Variants in HTT observed in about 807,000 individuals in gnomAD.
The protein encoded by HTT is huntington disease protein.
HTT carries 104 observed loss-of-function variants against 362.3 expected under a neutral mutation model. The observed-to-expected ratio is 0.29, with a 90% CI of 0.24 to 0.34. The LOEUF (loss-of-function observed/expected upper bound fraction) is 0.34, where lower values mean the gene tolerates loss of function less well. HTT is among the 10% of genes least tolerant of loss of function. The pLI is 1.00. For synonymous variants in HTT, 1,577 were observed against 1,548.7 expected (o/e 1.02, Z -0.43); for missense variants, 3,301 against 3,928.6 (o/e 0.84, Z 4.27).
chr4:3,096,882 G>A lies in HTT; in HGVS notation c.348-2392G>A, dbSNP rs113294244. Among the ~76,000 whole-genome samples the A allele has an allele frequency of 5.3e-4, 81 of 152,310 alleles. 2 individuals are homozygous for A. Among genetic ancestry groups the A allele is most frequent in the Middle Eastern group, 3.4e-3 (1 of 294 alleles). The stretch of plus-strand genomic sequence containing the variant: ...GCCTGCAGTTCTGCCACTTTGGGAG[G>A]CCGAGGCAGGTGGATTGTTTGAGAC... On this transcript the variant is annotated intron_variant, in intron 2 of 66. Coordinates refer to ENST00000355072, the MANE Select transcript of HTT (RefSeq NM_001388492.1).
intron 4 of HTT, among the ~76,000 whole-genome samples, chr4:3,104,808 G>T (rs994260120): frequency 6.6e-6 from 1 of 152,108 alleles, no homozygotes; most frequent in African/African-American, 2.4e-5. Flanking sequence ...GGAGATTGAG[G>T]TGGGAGGATT....
intron 41 of HTT, among the ~76,000 whole-genome samples, chr4:3,201,313 G>A (rs1239253827): frequency 6.6e-6 from 1 of 152,186 alleles, no homozygotes; most frequent in African/African-American, 2.4e-5. Flanking sequence ...CAGATCACCT[G>A]AGGCCAGGAC....
chr4:3,237,315 C>G (rs554612764), intron 64 of HTT, among the ~76,000 whole-genome samples: 3 of 152,310 alleles, frequency 2.0e-5, no homozygotes, highest in African/African-American at 4.8e-5. Flanking sequence ...CTCAAGTGAT[C>G]CACCCTCCTT....
In HTT at chr4:3,157,247, G is replaced by A. The variant is rs374351331; in HGVS notation, c.3753+48G>A. 534 of 1,518,984 alleles carry A rather than the reference G, an allele frequency of 3.5e-4. 1 individual carries two copies. The highest frequency in any genetic ancestry group is 7.9e-4 in the Admixed American group (43 of 54,618). 94.1% of individuals were successfully genotyped at this position (1,518,984 alleles called of 1,614,324 possible). A position where few individuals can be genotyped will look rare whatever the true frequency, so the allele number is the denominator to read the frequency against. ...AAAATATATATGCACACATACTTAC[G>A]TCTAATGGATAGTTGATGTTTTTCT... is the stretch of plus-strand genomic sequence containing the variant. On this transcript the variant is annotated intron_variant, in intron 28 of 66. Coordinates refer to ENST00000355072, the MANE Select transcript of HTT (RefSeq NM_001388492.1).
At chr4:3,159,397 G>C (rs1717327594) in intron 28 of HTT, among the ~76,000 whole-genome samples, 1 of 152,098 alleles carries the variant, frequency 6.6e-6, no homozygotes. Context: ...TCAGATTGCT[G>C]TGCATATTGG....
At chr4:3,094,455 C>T (rs766684009) in intron 2 of HTT, among the ~76,000 whole-genome samples, 22 of 151,618 alleles carry the variant, frequency 1.5e-4, no homozygotes, top group Admixed American at 4.6e-4. Flanking sequence ...GGGTGGCGGC[C>T]GGGCAGAGGG....
At chr4:3,078,713 C>T (rs938543336) in intron 1 of HTT, among the ~76,000 whole-genome samples, 1 of 151,824 alleles carries the variant, frequency 6.6e-6, no homozygotes, top group Non-Finnish European at 1.5e-5. Context: ...GGATTATAGA[C>T]ATGCACTGCC....
At chr4:3,083,086 C>T (rs185042484) in intron 1 of HTT, among the ~76,000 whole-genome samples, 38 of 152,172 alleles carry the variant, frequency 2.5e-4, no homozygotes, top group African/African-American at 8.9e-4. Context: ...GTTTGAGAAC[C>T]AGTAAGGAGG....
At chr4:3,238,109 A>G (rs1721625912) in intron 64 of HTT, among the ~76,000 whole-genome samples, 2 of 149,728 alleles carry the variant, frequency 1.3e-5, no homozygotes, top group South Asian at 4.2e-4. Flanking sequence ...TCTGGTCCCT[A>G]CAGGGCGTGG....
chr4:3,111,174 C>T (rs568072413), intron 6 of HTT, among the ~76,000 whole-genome samples: 4 of 151,566 alleles, frequency 2.6e-5, no homozygotes, highest in African/African-American at 4.8e-5. Flanking sequence ...TGCACCACCA[C>T]GTCCAGCTAT....
chr4:3,217,713 G>A, intron 51 of HTT, 52 bp from the exon 52 acceptor site: 1 of 1,461,102 alleles, frequency 6.8e-7, no homozygotes, highest in East Asian at 2.3e-5. Context: ...TCTACACTGG[G>A]CATATAGGAT....
rs1718901191 is a variant in HTT, at chr4:3,189,078, C to T, written c.5353C>T (p.His1785Tyr). 6.2e-7 allele frequency: 1 copy of T among 1,614,086 alleles called. No individual in the cohort carries two copies. Residue 1785 changes from histidine (H) to tyrosine (Y), a missense_variant, in exon 40 of 67, where the codon CAC (histidine) becomes TAC (tyrosine). His to Tyr is a moderately conservative substitution (Grantham distance 83, BLOSUM62 2). Around this residue, in one of 4 missense-constraint regions of HTT, gnomAD observed 2,316 missense variants for 2,658.5 expected, o/e 0.87. Transcript: ENST00000355072. ...ELGTLLMCLI[H>Y]IFKSGMFRRI... Reference sequence around the variant, plus strand: ...AGGCACACTGCTAATGTGTCTGATCCACATCTTCAAGTCTGGTAGGTGAAT... The same window carrying T: ...AGGCACACTGCTAATGTGTCTGATCTACATCTTCAAGTCTGGTAGGTGAAT...
intron 26 of HTT, among the ~76,000 whole-genome samples, chr4:3,152,191 C>A (rs969785227): frequency 2.6e-5 from 4 of 151,962 alleles, no homozygotes; most frequent in Non-Finnish European, 4.4e-5. Flanking sequence ...TTCTGCCTCC[C>A]AGGTTCAAGT....
chr4:3,174,689 T>C, intron 31 of HTT, 32 bp from the exon 32 acceptor site: 1 of 1,538,752 alleles, frequency 6.5e-7, no homozygotes, highest in Non-Finnish European at 9.0e-7. Context: ...GATATTCTCA[T>C]TCTCTGCTTC....
At chr4:3,212,893 G>C in intron 49 of HTT, 184 bp downstream of exon 49, 1 of 634,066 alleles carries the variant, frequency 1.6e-6, no homozygotes, top group Non-Finnish European at 2.7e-6. Flanking sequence ...CCCTCACCTC[G>C]CCACTCCTCA....
At chr4:3,186,047 C>T (rs951584852) in intron 37 of HTT, among the ~76,000 whole-genome samples, 5 of 152,218 alleles carry the variant, frequency 3.3e-5, no homozygotes, top group African/African-American at 9.6e-5. Context: ...AGAGCAGAGA[C>T]GTTTATGATT....
At chr4:3,198,709 G>A (rs1489632253) in intron 40 of HTT, among the ~76,000 whole-genome samples, 1 of 152,236 alleles carries the variant, frequency 6.6e-6, no homozygotes, top group Non-Finnish European at 1.5e-5. Context: ...CCAAAGGAGA[G>A]GATAGAATGA....
At chr4:3,100,846 G>C (rs2110156978) in intron 3 of HTT, among the ~76,000 whole-genome samples, 1 of 152,292 alleles carries the variant, frequency 6.6e-6, no homozygotes. Flanking sequence ...TCCTGGCTTG[G>C]CCCCTTGAGT....
At chr4:3,167,136 A>G (rs971332079) in intron 29 of HTT, among the ~76,000 whole-genome samples, 1 of 152,212 alleles carries the variant, frequency 6.6e-6, no homozygotes, top group South Asian at 2.1e-4. Context: ...CATCGGCACA[A>G]TCTCGGCCCA....
Sources: allele counts gnomAD v4.1 joint callset (sites outside exome capture counted in the v4.1 genomes callset), GRCh38; gene constraint gnomAD v4.1.1; regional missense constraint gnomAD v4.1.1; transcripts MANE v1.5; gene names NCBI Gene and HGNC (gene_info 2026-07-23, HGNC 2026-07-21).